Variants in ADGRV1 observed in about 807,000 individuals in gnomAD.
ADGRV1 encodes the protein adhesion G protein-coupled receptor V1, also known as G-protein coupled receptor 98.
A neutral mutation model predicts 596.2 loss-of-function variants in ADGRV1; 359 were observed. The observed-to-expected ratio is 0.60, with a 90% CI of 0.55 to 0.66. The LOEUF (loss-of-function observed/expected upper bound fraction) is 0.66. ADGRV1 is among the 30% of genes least tolerant of loss of function. ADGRV1 has a pLI of 0.00. For missense variants in ADGRV1, 7,274 were observed against 7,575.6 expected, an observed-to-expected ratio of 0.96 and a Z score of 1.48; for synonymous variants, 2,681 against 2,679.2, an observed-to-expected ratio of 1.00 and a Z score of -0.02.
chr5:90,810,723 A>T lies in ADGRV1; in HGVS notation c.15463A>T (p.Thr5155Ser). 6.2e-7 allele frequency: 1 copy of T among 1,613,906 alleles called. No homozygotes were observed. Among genetic ancestry groups the T allele is most frequent in the Non-Finnish European group, 8.5e-7 (1 of 1,179,870 alleles). Residue 5155 changes from threonine (T) to serine (S), a missense_variant, in exon 74 of 90, where the codon ACT becomes TCT. Thr to Ser is a moderately conservative substitution (Grantham distance 58). Coordinates refer to ENST00000405460, the MANE Select transcript of ADGRV1 (RefSeq NM_032119.4). ...AVDTTLIPVETESTTYLSTSK... is the reference protein window; with the variant it reads ...AVDTTLIPVESESTTYLSTSK... ...TGACACAACTCTCATTCCTGTAGAA[A>T]CTGAATCCACCACATACCTCAGCAC...
At chr5:90,995,969 C>G (rs543319179) in intron 85 of ADGRV1, among the ~76,000 whole-genome samples, 1 of 152,124 alleles carries the variant, frequency 6.6e-6, no homozygotes, top group Non-Finnish European at 1.5e-5. Context: ...GACCTGGCTG[C>G]TTCTAAAAGC....
At chr5:90,682,023 C>T (rs753176278) in intron 27 of ADGRV1, among the ~76,000 whole-genome samples, 3 of 152,004 alleles carry the variant, frequency 2.0e-5, no homozygotes, top group Non-Finnish European at 4.4e-5. Context: ...TGCACCACCA[C>T]GCCCGGCTAA....
At position 90,954,136 on chromosome 5, in the gene ADGRV1, GT is replaced by G. The variant is rs535238918; in HGVS notation, c.17857-11278del. 3.6e-3 allele frequency among the ~76,000 whole-genome samples: 523 copies of G among 145,414 alleles called. 2 individuals are homozygous for G. The highest frequency in any genetic ancestry group is 0.013 in the African/African-American group (504 of 39,662). On this transcript the variant is annotated intron_variant, in intron 83 of 89. Coordinates refer to ENST00000405460, the MANE Select transcript of ADGRV1 (RefSeq NM_032119.4). ...ATATCCACATGTCATGTAAAACCTT[GT>G]GTAAAATATTGGGCTGCTTTTCCCA... is the stretch of plus-strand genomic sequence containing the variant.
chr5:90,944,579 A>G (rs534253061), intron 83 of ADGRV1, among the ~76,000 whole-genome samples: 19 of 152,202 alleles, frequency 1.2e-4, no homozygotes, highest in African/African-American at 1.2e-4. Flanking sequence ...CCAAATCTAA[A>G]TGTATGTCAA....
chr5:91,046,594 C>T (rs968740217), intron 85 of ADGRV1, among the ~76,000 whole-genome samples: 1 of 152,052 alleles, frequency 6.6e-6, no homozygotes, highest in South Asian at 2.1e-4. Flanking sequence ...ACCCCTTCTA[C>T]GCATTGGCTC....
intron 79 of ADGRV1, among the ~76,000 whole-genome samples, chr5:90,852,140 C>T (rs1449162713): frequency 6.6e-6 from 1 of 151,966 alleles, no homozygotes; most frequent in African/African-American, 2.4e-5. Context: ...ACCTAGAGCC[C>T]CAGGTGAATA....
Position 90,756,982 on chromosome 5 carries a change from G to A in ADGRV1, c.11761G>A (p.Ala3921Thr), listed in dbSNP as rs200576500. 178 of 1,595,212 alleles carry A rather than the reference G, an allele frequency of 1.1e-4. No homozygotes were observed. In the African/African-American group the frequency reaches 1.5e-3, roughly 14 times the overall value. The change falls in exon 57 of 90, where the codon GCT (alanine) becomes ACT (threonine). Residue 3921 changes from alanine (A) to threonine (T), a missense_variant. Physicochemically the swap from Ala to Thr is moderately conservative, Grantham distance 58 (BLOSUM62 0). Around this residue, in one of 5 missense-constraint regions of ADGRV1, gnomAD observed 3,643 missense variants for 3,809.2 expected, o/e 0.96. Transcript: ENST00000405460. ...CAATTATATTCTTTACTTAAAGGGC[G>A]CTGGGGAAGTTATTACTGCCTATGA... ...GIFMFHVTRG[A>T]GEVITAYEVP...
At chr5:90,649,587 C>G (rs552514135) in intron 17 of ADGRV1, among the ~76,000 whole-genome samples, 3 of 152,150 alleles carry the variant, frequency 2.0e-5, no homozygotes, top group Non-Finnish European at 4.4e-5. Context: ...CTCCTAGGTT[C>G]AAGCAATTCT....
intron 71 of ADGRV1, among the ~76,000 whole-genome samples, chr5:90,804,143 T>C (rs1177150346): frequency 6.6e-6 from 1 of 152,182 alleles, no homozygotes; most frequent in Non-Finnish European, 1.5e-5. Context: ...TGGCTCATGC[T>C]TTTAATCCCA....
At chr5:90,769,617 T>C (rs1476300400) in intron 59 of ADGRV1, among the ~76,000 whole-genome samples, 1 of 152,222 alleles carries the variant, frequency 6.6e-6, no homozygotes, top group Non-Finnish European at 1.5e-5. Context: ...GTTTGAATTC[T>C]GTATTTTATT....
At chr5:90,613,554 T>G (rs1762970470) in intron 1 of ADGRV1, among the ~76,000 whole-genome samples, 1 of 152,124 alleles carries the variant, frequency 6.6e-6, no homozygotes. Context: ...ATTTCATTGG[T>G]CTTCTGGCAG....
chr5:90,819,711 T>G lies in ADGRV1; in HGVS notation c.16197-3714T>G, dbSNP rs1355716325. On this transcript the variant is annotated intron_variant, in intron 75 of 89. Coordinates refer to ENST00000405460, the MANE Select transcript of ADGRV1 (RefSeq NM_032119.4). Reference sequence around the variant, plus strand: ...TCAGGAGCAGGTTGTTCAGTTTCCATGTAGTTGAGCGGTTTTGAGTGAGAT... The same window carrying G: ...TCAGGAGCAGGTTGTTCAGTTTCCAGGTAGTTGAGCGGTTTTGAGTGAGAT... 7.9e-3 allele frequency among the ~76,000 whole-genome samples: 1,199 copies of G among 151,932 alleles called. 15 individuals carry two copies. The highest frequency in any genetic ancestry group is 0.028 in the African/African-American group (1,147 of 41,400).
At chr5:90,784,821 T>C (rs1050992967) in intron 67 of ADGRV1, among the ~76,000 whole-genome samples, 2 of 152,066 alleles carry the variant, frequency 1.3e-5, no homozygotes, top group African/African-American at 4.8e-5. Flanking sequence ...GAAGAATCAA[T>C]ATAGTGAAAA....
chr5:91,024,728 G>A (rs1319856398), intron 85 of ADGRV1, among the ~76,000 whole-genome samples: 7 of 152,162 alleles, frequency 4.6e-5, no homozygotes, highest in African/African-American at 9.6e-5. Flanking sequence ...TTTAGAATGC[G>A]GCTTATTGCT....
At chr5:90,795,877 G>A (rs986442583) in intron 70 of ADGRV1, among the ~76,000 whole-genome samples, 2 of 152,192 alleles carry the variant, frequency 1.3e-5, no homozygotes, top group African/African-American at 4.8e-5. Flanking sequence ...TGGACCTCCA[G>A]CAAACTCCAG....
intron 83 of ADGRV1, among the ~76,000 whole-genome samples, chr5:90,876,611 G>T (rs1450309447): frequency 1.3e-5 from 2 of 152,162 alleles, no homozygotes; most frequent in African/African-American, 4.8e-5. Flanking sequence ...TTCACTCTAA[G>T]ATTAGGAATT....
Position 90,693,933 on chromosome 5 carries a change from G to A in ADGRV1, c.7177G>A (p.Asp2393Asn), listed in dbSNP as rs1349198544. The A allele has an allele frequency of 1.3e-6, 2 of 1,596,014 alleles. No individual in the cohort carries two copies. Among genetic ancestry groups the A allele is most frequent in the Non-Finnish European group, 1.7e-6 (2 of 1,168,426 alleles). The change falls in exon 33 of 90, where the codon GAC (aspartate) becomes AAC (asparagine). Residue 2393 changes from aspartate to asparagine, a missense_variant. Asp to Asn is a conservative substitution (Grantham distance 23). Around this residue, in one of 5 missense-constraint regions of ADGRV1, gnomAD observed 3,643 missense variants for 3,809.2 expected, o/e 0.96. Transcript: ENST00000405460. ...GCTGTTGTTGTTCTACAGTACTTCC[G>A]ACATTGATGTAGTGGCTCTGGCAAT... ...GRLLLFYSTS[D>N]IDVVALAMEE...
chr5:90,918,392 A>G (rs1347839343), intron 83 of ADGRV1, among the ~76,000 whole-genome samples: 1 of 152,184 alleles, frequency 6.6e-6, no homozygotes, highest in East Asian at 1.9e-4. Flanking sequence ...ATTAAGAATC[A>G]CATTATTAGG....
intron 75 of ADGRV1, among the ~76,000 whole-genome samples, chr5:90,822,839 C>T (rs1371975322): frequency 1.3e-5 from 2 of 152,032 alleles, no homozygotes; most frequent in African/African-American, 4.8e-5. Flanking sequence ...TGAAGAGGTC[C>T]TTCACATCCC....
Sources: gnomAD v4.1 joint callset for allele counts (sites outside exome capture counted in the v4.1 genomes callset) on GRCh38, gnomAD v4.1.1 for gene constraint, gnomAD v4.1.1 regional missense constraint, MANE v1.5 for transcripts, NCBI Gene and HGNC (gene_info 2026-07-23, HGNC 2026-07-21) for gene names.